The following CPNE4 variants were observed in gnomAD, a reference collection of about 807,000 sequenced individuals.
CPNE4 encodes the protein copine-4.
CPNE4 carries 25 observed loss-of-function variants against 67.9 expected under a neutral mutation model. The observed-to-expected ratio is 0.37, with a 90% CI of 0.27 to 0.51. CPNE4 has a LOEUF of 0.51. CPNE4 is among the 20% of genes least tolerant of loss of function. The pLI, the probability that CPNE4 is intolerant of heterozygous loss-of-function variation, is 0.93. For missense variants in CPNE4, 464 were observed against 690.8 expected, an observed-to-expected ratio of 0.67 and a Z score of 3.68; for synonymous variants, 242 against 244.9, an observed-to-expected ratio of 0.99 and a Z score of 0.11.
intron 7 of CPNE4, among the ~76,000 whole-genome samples, chr3:131,620,962 C>T (rs1265470827): frequency 1.3e-5 from 2 of 152,018 alleles, no homozygotes; most frequent in Non-Finnish European, 2.9e-5. Context: ...GTTACAGTAG[C>T]AATAGGAAAC....
chr3:131,549,828 T>C, intron 14 of CPNE4, 119 bp downstream of exon 14: 2 of 1,187,368 alleles, frequency 1.7e-6, no homozygotes, highest in Admixed American at 2.1e-5. Context: ...AAGTCATTTG[T>C]CCAAATTCAC....
At chr3:131,868,299 T>TA (rs1359279164) in intron 2 of CPNE4, among the ~76,000 whole-genome samples, 1 of 152,174 alleles carries the variant, frequency 6.6e-6, no homozygotes, top group Non-Finnish European at 1.5e-5. Flanking sequence ...GAAGCACCGT[T>TA]ACAATTTTCA....
chr3:131,811,098 T>C (rs1204873287), intron 2 of CPNE4, among the ~76,000 whole-genome samples: 1 of 152,126 alleles, frequency 6.6e-6, no homozygotes. Flanking sequence ...GAAGATCTAT[T>C]ATACAGTATA....
In CPNE4 at chr3:131,901,097, G is replaced by C. The variant is rs2088537211; in HGVS notation, c.180+4167C>G. Among the ~76,000 whole-genome samples the C allele has an allele frequency of 3.3e-5, 5 of 152,222 alleles. No individual in the cohort carries two copies. In the South Asian group the frequency reaches 1.0e-3, roughly 32 times the overall value. Reference sequence around the variant, plus strand: ...ACTGCCAAGGGCCACACACTCACGAGCTTGATTCTACCCAGGCATGCCCAG... The same window carrying C: ...ACTGCCAAGGGCCACACACTCACGACCTTGATTCTACCCAGGCATGCCCAG... On this transcript the variant is annotated intron_variant, in intron 2 of 15. Coordinates refer to ENST00000429747, the MANE Select transcript of CPNE4 (RefSeq NM_130808.3).
intron 1 of CPNE4, among the ~76,000 whole-genome samples, chr3:131,914,677 T>C (rs1005315964): frequency 6.6e-6 from 1 of 152,196 alleles, no homozygotes; most frequent in Admixed American, 6.5e-5. Flanking sequence ...ATAATTCGTT[T>C]AAAAATAACT....
chr3:131,699,532 G>A (rs551043461), intron 4 of CPNE4, among the ~76,000 whole-genome samples: 40 of 152,288 alleles, frequency 2.6e-4, no homozygotes, highest in Non-Finnish European at 4.4e-4. Context: ...CAAAATAAAT[G>A]AGAGACGAGG....
intron 2 of CPNE4, among the ~76,000 whole-genome samples, chr3:131,795,616 A>G (rs996141600): frequency 1.3e-5 from 2 of 152,168 alleles, no homozygotes; most frequent in Non-Finnish European, 2.9e-5. Context: ...ACCACAGACT[A>G]TGAAGTGGTT....
chr3:131,683,993 T>C (rs2080822444), intron 6 of CPNE4, among the ~76,000 whole-genome samples: 1 of 152,056 alleles, frequency 6.6e-6, no homozygotes, highest in South Asian at 2.1e-4. Context: ...AGCACACAGA[T>C]TCTGTATCTG....
At chr3:131,689,646 G>A (rs1164245372) in intron 5 of CPNE4, among the ~76,000 whole-genome samples, 1 of 152,148 alleles carries the variant, frequency 6.6e-6, no homozygotes, top group African/African-American at 2.4e-5. Flanking sequence ...TTCTGCTTAA[G>A]AGCAGGAATA....
intron 2 of CPNE4, among the ~76,000 whole-genome samples, chr3:131,871,833 T>C (rs888115131): frequency 2.0e-5 from 3 of 152,204 alleles, no homozygotes; most frequent in Admixed American, 6.5e-5. Flanking sequence ...AATTATCTTC[T>C]CTTTTTCATT....
intron 11 of CPNE4, among the ~76,000 whole-genome samples, chr3:131,562,553 C>G (rs1190409910): frequency 6.6e-6 from 1 of 152,026 alleles, no homozygotes; most frequent in Non-Finnish European, 1.5e-5. Flanking sequence ...ATACTCTCCC[C>G]CTTCTTGTCT....
chr3:131,779,855 A>C (rs1445360304), intron 2 of CPNE4, among the ~76,000 whole-genome samples: 1 of 151,734 alleles, frequency 6.6e-6, no homozygotes, highest in Admixed American at 6.6e-5. Flanking sequence ...AATTAAACTA[A>C]AGAACTTCTG....
chr3:131,825,973 TTA>T (rs2085143368), intron 2 of CPNE4, among the ~76,000 whole-genome samples: 1 of 152,222 alleles, frequency 6.6e-6, no homozygotes, highest in Non-Finnish European at 1.5e-5. Context: ...ATAAGCTTCC[TTA>T]TATCAGGTCA....
chr3:131,796,632 C>A (rs10934980), intron 2 of CPNE4, among the ~76,000 whole-genome samples: 1 of 152,198 alleles, frequency 6.6e-6, no homozygotes, highest in Non-Finnish European at 1.5e-5. Flanking sequence ...CCCCCTTCCC[C>A]TGGAGCCTCC....
chr3:131,938,708 G>A (rs2071297890), intron 1 of CPNE4, among the ~76,000 whole-genome samples: 1 of 151,988 alleles, frequency 6.6e-6, no homozygotes, highest in African/African-American at 2.4e-5. Flanking sequence ...TTAGGAAACC[G>A]GCATGGTGGG....
rs191851548 is a variant in CPNE4, at chr3:131,897,028, C to T, written c.180+8236G>A. ...CTAACGGGCAGGAATATCAATACCA[C>T]GTACTCCAGATTAACATGAAACACA... is the stretch of plus-strand genomic sequence containing the variant. On this transcript the variant is annotated intron_variant, in intron 2 of 15. Transcript: ENST00000429747. Among the ~76,000 whole-genome samples the T allele has an allele frequency of 9.2e-5, 14 of 152,176 alleles. 1 individual carries two copies. Among genetic ancestry groups the T allele is most frequent in the Admixed American group, 7.2e-4 (11 of 15,270 alleles).
At chr3:131,829,676 A>T (rs538892232) in intron 2 of CPNE4, among the ~76,000 whole-genome samples, 12 of 152,366 alleles carry the variant, frequency 7.9e-5, no homozygotes, top group African/African-American at 2.4e-4. Context: ...CCCCAGTGGG[A>T]CACTGCTTAA....
At chr3:131,619,740 T>C (rs1940360617) in intron 7 of CPNE4, among the ~76,000 whole-genome samples, 2 of 152,038 alleles carry the variant, frequency 1.3e-5, no homozygotes, top group Admixed American at 1.3e-4. Flanking sequence ...CCAAAGCCCT[T>C]GCCAAGACTT....
In CPNE4 at chr3:131,905,408, G is replaced by A. The variant is rs567998413; in HGVS notation, c.36C>T (p.Ala12=). 8.1e-6 allele frequency: 13 copies of A among 1,613,288 alleles called. No individual in the cohort carries two copies. In the East Asian group the frequency reaches 2.7e-4, roughly 33 times the overall value. Residue 12 remains alanine, a synonymous_variant, in exon 2 of 16, where the codon GCC becomes GCT. Coordinates refer to ENST00000429747, the MANE Select transcript of CPNE4 (RefSeq NM_130808.3). ...GGCTGTTAAAGATTCCCAGTGTGTT[G>A]GCAGCGGACTCATAAATGTTGCTCA... ...KKMSNIYESA[A]NTLGIFNSPC... is the part of the protein sequence containing the mutation.
Sources: gnomAD v4.1 joint callset for allele counts (sites outside exome capture counted in the v4.1 genomes callset) on GRCh38, gnomAD v4.1.1 for gene constraint, MANE v1.5 for transcripts, NCBI Gene and HGNC (gene_info 2026-07-23, HGNC 2026-07-21) for gene names.